Variants in CCDC120 observed in about 807,000 individuals in gnomAD.
CCDC120 encodes the protein coiled-coil domain-containing protein 120.
In CCDC120, 16 loss-of-function variants were observed where a neutral mutation model predicts 37.6. That is an observed-to-expected ratio of 0.43 (90% CI 0.29 to 0.65). CCDC120 has a LOEUF of 0.65. Ranked by LOEUF, CCDC120 falls within the 30% of genes least tolerant of loss-of-function variation. The pLI, the probability that CCDC120 is intolerant of heterozygous loss-of-function variation, is 0.18. For missense variants in CCDC120, 650 were observed against 657.4 expected, an observed-to-expected ratio of 0.99 and a Z score of 0.12; for synonymous variants, 309 against 275.4, an observed-to-expected ratio of 1.12 and a Z score of -1.21.
At chrX:49,055,069 G>A (rs1230896330), upstream of CCDC120, among the ~76,000 whole-genome samples, 8 of 112,324 alleles carry the variant, frequency 7.1e-5, no homozygotes, top group Admixed American at 1.9e-4. Flanking sequence ...TGTGCCCTGC[G>A]TGGCTGATGG....
At position 49,067,516 on chromosome X, in the gene CCDC120, GC is replaced by G; in HGVS notation, c.1408del (p.Arg470GlyfsTer201). On this transcript the variant is annotated frameshift_variant, in exon 10 of 11. Coordinates refer to ENST00000603986, the MANE Select transcript of CCDC120 (RefSeq NM_001163321.4). LOFTEE classifies it high-confidence loss of function. ...CTCAGCTGCCCCTGCCTCCCGAGGT[GC>G]CCCCCGGCTCCCACCTGTGTGTGGA... ...PSSAAPASRG[A>X]PRLPPVCGDF... 2 of 1,165,222 alleles carry G rather than the reference GC, an allele frequency of 1.7e-6. No homozygotes were observed. Among genetic ancestry groups the G allele is most frequent in the East Asian group, 3.0e-5 (1 of 33,318 alleles).
chrX:49,061,931 A>T, intron 1 of CCDC120, 28 bp from the exon 2 acceptor site: 1 of 1,108,951 alleles, frequency 9.0e-7, no homozygotes, highest in African/African-American at 1.8e-5. Context: ...AGTTGGTTGA[A>T]TCTGTCCCAT....
chrX:49,061,859 TGTGG>T, intron 1 of CCDC120, 96 bp from the exon 2 acceptor site: 2 of 839,107 alleles, frequency 2.4e-6, no homozygotes, highest in Non-Finnish European at 3.2e-6. Flanking sequence ...GAAGATTGAG[TGTGG>T]CATCATAGGT....
chrX:49,062,174 G>A, intron 2 of CCDC120, 61 bp from the exon 3 acceptor site: 3 of 1,174,138 alleles, frequency 2.6e-6, no homozygotes, highest in Non-Finnish European at 3.4e-6. Flanking sequence ...AGCTGGGAAG[G>A]GCTGGGGGTT....
At chrX:49,068,464 C>CT (rs1266494432) in intron 10 of CCDC120, 80 bp from the exon 11 acceptor site, 1 of 1,044,208 alleles carries the variant, frequency 9.6e-7, no homozygotes, top group African/African-American at 2.0e-5. Context: ...CTTTTCCTTT[C>CT]TTTTTCTGTG....
chrX:49,059,165 TA>T (rs1238279438), intron 1 of CCDC120, 70 bp downstream of exon 1: 3 of 124,335 alleles, frequency 2.4e-5, no homozygotes, highest in African/African-American at 9.9e-5. Flanking sequence ...GGGCAGGGTG[TA>T]CTGAAGTTCC....
upstream of CCDC120, among the ~76,000 whole-genome samples, chrX:49,056,653 C>T (rs1223450014): frequency 2.2e-5 from 2 of 90,251 alleles, no homozygotes; most frequent in African/African-American, 3.9e-5. Flanking sequence ...AAAAAAATTG[C>T]GTCTGAATAC....
chrX:49,065,168 C>T (rs1407999336), intron 7 of CCDC120, 70 bp downstream of exon 7: 13 of 1,030,723 alleles, frequency 1.3e-5, no homozygotes, highest in East Asian at 6.2e-5. Flanking sequence ...TTTATTCATC[C>T]GACCACATCC....
At chrX:49,055,141 C>T (rs1171453136), upstream of CCDC120, among the ~76,000 whole-genome samples, 1 of 112,541 alleles carries the variant, frequency 8.9e-6, no homozygotes, top group Non-Finnish European at 1.9e-5. Context: ...GCTTACATTT[C>T]TCTTCCTGCC....
At position 49,068,386 on chromosome X, in the gene CCDC120, C is replaced by T; in HGVS notation, c.1977-158C>T. ...TCTCATGCCCCTTGCTGTTTTCTTC[C>T]TTTTTTCTCCATGCCCCAGAGCCTG... On this transcript the variant is annotated intron_variant, in intron 10 of 10. Coordinates refer to ENST00000603986, the MANE Select transcript of CCDC120 (RefSeq NM_001163321.4). 2.9e-6 allele frequency: 3 copies of T among 1,046,956 alleles called. No homozygotes were observed. The South Asian group carries it at 8.8e-5, about 31-fold the overall frequency. The allele number at this position is 1,046,956 out of a possible 1,213,427, so 86.3% of individuals were successfully genotyped here. A position where few individuals can be genotyped will look rare whatever the true frequency, so the allele number is the denominator to read the frequency against.
Position 49,067,237 on chromosome X carries a change from C to A in CCDC120, c.1123C>A (p.Arg375=). ...GSQDSQMGFP[R]ADPASDRASL... is the part of the protein sequence containing the mutation. ...CCAGGACTCCCAGATGGGCTTCCCC[C>A]GGGCGGACCCTGCCTCCGATCGCGC... is the stretch of plus-strand genomic sequence containing the variant. The change falls in exon 10 of 11, where the codon CGG becomes AGG. Residue 375 remains arginine (R), a synonymous_variant. Coordinates refer to ENST00000603986, the MANE Select transcript of CCDC120 (RefSeq NM_001163321.4). 1 of 1,211,401 alleles carries A rather than the reference C, an allele frequency of 8.3e-7. No homozygotes were observed.
At chrX:49,056,139 T>C (rs1311174494), upstream of CCDC120, among the ~76,000 whole-genome samples, 2 of 111,629 alleles carry the variant, frequency 1.8e-5, no homozygotes, top group Non-Finnish European at 3.8e-5. Flanking sequence ...ATTCAGTTCT[T>C]GCATTTGGAT....
chrX:49,055,222 G>A (rs1557078220), upstream of CCDC120, among the ~76,000 whole-genome samples: 1 of 112,551 alleles, frequency 8.9e-6, no homozygotes, highest in East Asian at 2.8e-4. Context: ...AAATTATTCA[G>A]TGACTCTCTG....
Position 49,062,612 on chromosome X carries a change from G to A in CCDC120, c.288+11G>A, listed in dbSNP as rs782101079. 2.0e-5 allele frequency: 24 copies of A among 1,201,786 alleles called. No individual in the cohort carries two copies. The highest frequency in any genetic ancestry group is 2.7e-4 in the Middle Eastern group (1 of 3,701). ...TGTCTCCAGGAGGCGGTGAGGGCCT[G>A]GCCCTAGGGGTATCAGGCGGGGAGG... On this transcript the variant is annotated intron_variant, in intron 4 of 10. Transcript: ENST00000603986.
rs782816201 is a variant in CCDC120 at position 49,064,394 on chromosome X, C to T, written c.454C>T (p.Arg152Cys). ...GGAGCTGGCTCTTGAGGCCCTGGAA[C>T]GCGAGGTGTCAGTGCAACAGCAGAT... ...AEELALEALEREVSVQQQIAA... is the reference protein window; with the variant it reads ...AEELALEALECEVSVQQQIAA... Residue 152 changes from arginine (R) to cysteine (C), a missense_variant, in exon 6 of 11, where the codon CGC (arginine) becomes TGC (cysteine). By Grantham distance (180) the Arg-to-Cys change is radical (BLOSUM62 -3). Coordinates refer to ENST00000603986, the MANE Select transcript of CCDC120 (RefSeq NM_001163321.4). The T allele has an allele frequency of 1.1e-4, 126 of 1,170,302 alleles. No individual in the cohort carries two copies. Among genetic ancestry groups the T allele is most frequent in the Non-Finnish European group, 1.3e-4 (116 of 875,463 alleles).
chrX:49,061,189 T>G (rs1035791371), intron 1 of CCDC120, among the ~76,000 whole-genome samples: 10 of 110,786 alleles, frequency 9.0e-5, no homozygotes, highest in Admixed American at 5.7e-4. Flanking sequence ...TGGACTTTGC[T>G]TCTCACAAAT....
chrX:49,065,381 T>C, intron 7 of CCDC120, 73 bp from the exon 8 acceptor site: 1 of 1,066,511 alleles, frequency 9.4e-7, no homozygotes, highest in Non-Finnish European at 1.2e-6. Context: ...CCCATGGCCT[T>C]GCCCCCCAGC....
rs782518026 is a variant in CCDC120 at position 49,067,807 on chromosome X, C to G, written c.1693C>G (p.Pro565Ala). The G allele has an allele frequency of 4.2e-6, 5 of 1,190,816 alleles. No individual in the cohort carries two copies. The East Asian group carries it at 1.5e-4, about 37-fold the overall frequency. The stretch of plus-strand genomic sequence containing the variant: ...GGCTGCCGAAGGCCCTGAGGTGCAT[C>G]CAAACCCTCTGCTGTGGATGCCCCC... The part of the protein sequence containing the change: ...PEAAEGPEVH[P>A]NPLLWMPPPT... The change falls in exon 10 of 11, where the codon CCA (proline) becomes GCA (alanine). Residue 565 changes from proline to alanine, a missense_variant. Physicochemically the swap from Pro to Ala is conservative, Grantham distance 27. This residue lies in a region of CCDC120 where 576 missense variants were observed against 565.3 expected (regional missense o/e 1.02). Transcript: ENST00000603986.
chrX:49,068,393 C>A, intron 10 of CCDC120, 151 bp from the exon 11 acceptor site: 1 of 1,048,850 alleles, frequency 9.5e-7, no homozygotes. Flanking sequence ...TTCCTTTTTT[C>A]TCCATGCCCC....
Sources: gnomAD v4.1 joint callset for allele counts (sites outside exome capture counted in the v4.1 genomes callset) on GRCh38, gnomAD v4.1.1 for gene constraint, gnomAD v4.1.1 regional missense constraint, MANE v1.5 for transcripts, NCBI Gene and HGNC (gene_info 2026-07-23, HGNC 2026-07-21) for gene names.